NKD2: variants seen among roughly 807,000 people sequenced by gnomAD.
NKD2 encodes the protein NKD inhibitor of Wnt signaling pathway 2.
Under a neutral mutation model 34.8 loss-of-function variants are expected in NKD2, and 43 were observed. The ratio of observed to expected loss-of-function variants is 1.24; its 90% CI spans 0.97 to 1.60. NKD2 has a LOEUF of 1.60. Among genes scored for constraint, NKD2 ranks in the 40% most tolerant of loss-of-function variants. The probability of loss-of-function intolerance (pLI) is 0.00; values close to 1 mark genes in which losing one functional copy is unlikely to be tolerated. For missense variants in NKD2, 675 were observed against 627.1 expected (o/e 1.08, Z -0.82); for synonymous variants, 278 against 265.1 (o/e 1.05, Z -0.47).
chr5:1,026,071 G>T (rs867844978), intron 3 of NKD2, among the ~76,000 whole-genome samples: 58 of 39,926 alleles, frequency 1.5e-3, no homozygotes, highest in Admixed American at 1.7e-3. Flanking sequence ...CTTCCCACCC[G>T]CTGTGGGCGT....
At chr5:1,031,687 G>C (rs1579270436) in intron 3 of NKD2, among the ~76,000 whole-genome samples, 1 of 152,344 alleles carries the variant, frequency 6.6e-6, no homozygotes, top group East Asian at 1.9e-4. Context: ...TTCCGTAACT[G>C]GTCTCGGCCG....
rs192098829 is a variant in NKD2, at chr5:1,038,789, G to A, written c.*416G>A. The A allele has an allele frequency of 5.7e-5, 22 of 388,540 alleles. No homozygotes were observed. In the East Asian group the frequency reaches 8.3e-4, roughly 15 times the overall value. 24.1% of individuals were successfully genotyped at this position (388,540 alleles called of 1,614,324 possible). A position where few individuals can be genotyped will look rare whatever the true frequency, so the allele number is the denominator to read the frequency against. On this transcript the variant is annotated 3_prime_UTR_variant, in exon 10 of 10. Coordinates refer to ENST00000296849, the MANE Select transcript of NKD2 (RefSeq NM_033120.4). The surrounding 1 kb of genome is among the most constrained non-coding windows in gnomAD (Gnocchi z 4.5). The stretch of plus-strand genomic sequence containing the variant: ...GCTGTCCCAGTGCGAGGCCGGGAGC[G>A]AATGGAAAAGCTGAGGCTTTGCCTG...
intron 9 of NKD2, 115 bp downstream of exon 9, chr5:1,036,499 CCCAA>C: frequency 5.7e-6 from 3 of 525,328 alleles, no homozygotes; most frequent in Admixed American, 4.7e-5. Context: ...CCCGCCCCCC[CCCAA>C]CCCCCCCCAC....
At chr5:1,020,669 C>CT (rs576773512) in intron 3 of NKD2, among the ~76,000 whole-genome samples, 9,470 of 114,202 alleles carry the variant, frequency 0.083, 1,106 homozygotes, top group African/African-American at 0.23. Context: ...TGTTGCTTGT[C>CT]TTTTTTTTTT....
At position 1,031,504 on chromosome 5, in the gene NKD2, G is replaced by A. The variant is rs181811983; in HGVS notation, c.142-648G>A. 7.2e-4 allele frequency among the ~76,000 whole-genome samples: 109 copies of A among 152,226 alleles called. 1 individual carries two copies. Among genetic ancestry groups the A allele is most frequent in the Non-Finnish European group, 1.0e-3 (71 of 68,004 alleles). On this transcript the variant is annotated intron_variant, in intron 3 of 9. Transcript: ENST00000296849. ...CTGCTCTCAGGAAATGCTCCAGGGC[G>A]GTGTGTGCTGGGCCGAGGGGCTCCG...
At chr5:1,025,801 A>G (rs112420767) in intron 3 of NKD2, among the ~76,000 whole-genome samples, 19 of 12,984 alleles carry the variant, frequency 1.5e-3, no homozygotes, top group Admixed American at 8.6e-3. Flanking sequence ...GCCCCAGCCC[A>G]TTGTCCCTGC....
At chr5:1,021,084 AGTC>A (rs1210061123) in intron 3 of NKD2, among the ~76,000 whole-genome samples, 1 of 152,214 alleles carries the variant, frequency 6.6e-6, no homozygotes, top group Non-Finnish European at 1.5e-5. Context: ...TAGGAAGTTA[AGTC>A]GCAGCAGAAC....
chr5:1,029,722 C>G (rs756318303), intron 3 of NKD2, among the ~76,000 whole-genome samples: 12 of 152,196 alleles, frequency 7.9e-5, no homozygotes, highest in African/African-American at 2.4e-4. Flanking sequence ...CCGTCCAACC[C>G]GTCGCCCGCT....
chr5:1,032,350 TA>T (rs1756679316), intron 4 of NKD2, 138 bp downstream of exon 4: 1 of 706,696 alleles, frequency 1.4e-6, no homozygotes, highest in African/African-American at 1.8e-5. Context: ...ACTTTGTTCT[TA>T]AAAAGCCTTG....
intron 9 of NKD2, chr5:1,037,014 G>A (rs1490781672): frequency 5.4e-5 from 18 of 330,688 alleles, no homozygotes; most frequent in African/African-American, 1.3e-4. Context: ...TGTGGATGGC[G>A]GGCAATGTGG....
intron 7 of NKD2, 87 bp from the exon 8 acceptor site, chr5:1,035,302 G>GAA: frequency 8.5e-6 from 8 of 943,892 alleles, no homozygotes; most frequent in African/African-American, 6.9e-5. Context: ...GAATGAATGA[G>GAA]TGAGTGAGTT....
intron 7 of NKD2, 83 bp downstream of exon 7, chr5:1,034,986 AAGTGAGTGGATGGAGGAGTG>A: frequency 7.6e-7 from 1 of 1,308,600 alleles, no homozygotes; most frequent in Non-Finnish European, 1.0e-6. Context: ...AGGGAGGGAC[AAGTGAGTGGATGGAGGAGTG>A]AGTGGGTGAA....
At chr5:1,016,979 G>C (rs1216695591) in intron 3 of NKD2, among the ~76,000 whole-genome samples, 2 of 151,714 alleles carry the variant, frequency 1.3e-5, no homozygotes, top group Non-Finnish European at 2.9e-5. Flanking sequence ...TTCCCACAAA[G>C]GATAACAGAG....
At chr5:1,037,181 C>T (rs574366983) in intron 9 of NKD2, among the ~76,000 whole-genome samples, 17 of 152,260 alleles carry the variant, frequency 1.1e-4, no homozygotes, top group South Asian at 2.1e-4. Flanking sequence ...AGCAGCACCC[C>T]TATGTGGCCT....
chr5:1,038,001 G>A lies in NKD2; in HGVS notation c.984G>A (p.Lys328=). ...DTQPRPKGPE[K]QFLKSPKGSG... ...AGCCCCGGCCGAAGGGGCCGGAGAA[G>A]CAGTTCCTCAAGTCCCCCAAGGGCT... Residue 328 remains lysine (K), a synonymous_variant, in exon 10 of 10, where the codon AAG becomes AAA. Coordinates refer to ENST00000296849, the MANE Select transcript of NKD2 (RefSeq NM_033120.4). The surrounding 1 kb of genome is among the most constrained non-coding windows in gnomAD (Gnocchi z 4.5). 1.2e-6 allele frequency: 2 copies of A among 1,607,604 alleles called. No homozygotes were observed. The highest frequency in any genetic ancestry group is 1.7e-6 in the Non-Finnish European group (2 of 1,178,424).
chr5:1,021,911 C>CAGGCCCT (rs1309705784), intron 3 of NKD2, among the ~76,000 whole-genome samples: 4 of 152,294 alleles, frequency 2.6e-5, no homozygotes, highest in African/African-American at 9.6e-5. Flanking sequence ...CACCAGGCCC[C>CAGGCCCT]AGGCCCTCTG....
At position 1,009,702 on chromosome 5, in the gene NKD2, A is replaced by C; in HGVS notation, c.141+142A>C. ...CGCACGAGTGACCGGGGGCCAGGAG[A>C]GCCAGTCTCTCCCCAGCCTCCACGA... On this transcript the variant is annotated intron_variant, in intron 3 of 9. Transcript: ENST00000296849. The surrounding 1 kb of genome is among the most constrained non-coding windows in gnomAD (Gnocchi z 6.9). 1 of 648,032 alleles carries C rather than the reference A, an allele frequency of 1.5e-6. No individual in the cohort carries two copies. Among genetic ancestry groups the C allele is most frequent in the Non-Finnish European group, 2.4e-6 (1 of 420,928 alleles). The allele number at this position is 648,032 out of a possible 1,614,324, so 40.1% of individuals were successfully genotyped here.
intron 3 of NKD2, among the ~76,000 whole-genome samples, chr5:1,014,838 G>A (rs1755884962): frequency 6.6e-6 from 1 of 152,220 alleles, no homozygotes; most frequent in Non-Finnish European, 1.5e-5. Context: ...GACCATAGTT[G>A]GGAGCCACCA....
In NKD2 at chr5:1,032,183, CT is replaced by C; in HGVS notation, c.176del (p.Phe59SerfsTer113). The C allele has an allele frequency of 6.2e-7, 1 of 1,610,132 alleles. No individual in the cohort carries two copies. Among genetic ancestry groups the C allele is most frequent in the East Asian group, 2.2e-5 (1 of 44,718 alleles). On this transcript the variant is annotated frameshift_variant, in exon 4 of 10. Transcript: ENST00000296849. LOFTEE classifies it high-confidence loss of function. ...CCCAATGGGGACCCCAAGGAGGGGC[CT>C]TTCCGGGAGGACCAGTGTCCCCTAC... ...ELPNGDPKEG[P>X]FREDQCPLQV...
Sources: gnomAD v4.1 joint callset for allele counts (sites outside exome capture counted in the v4.1 genomes callset) on GRCh38, gnomAD v4.1.1 for gene constraint, Gnocchi (gnomAD v3.1) non-coding constraint, MANE v1.5 for transcripts, NCBI Gene and HGNC (gene_info 2026-07-23, HGNC 2026-07-21) for gene names.